NLGN4Y: variants seen among roughly 807,000 people sequenced by gnomAD.
NLGN4Y encodes the protein neuroligin-4, Y-linked.
NLGN4Y carries 4 observed loss-of-function variants against 8.4 expected under a neutral mutation model. The ratio of observed to expected loss-of-function variants is 0.48; its 90% CI spans 0.23 to 1.09. The LOEUF is 1.09. Ranked by LOEUF, NLGN4Y falls within the 50% of genes least tolerant of loss-of-function variation. NLGN4Y has a pLI of 0.19. For missense variants in NLGN4Y, 90 were observed against 192.3 expected (o/e 0.47, Z 3.15); for synonymous variants, 35 against 75.6 (o/e 0.46, Z 2.78).
intron 4 of NLGN4Y, among the ~76,000 whole-genome samples, chrY:14,745,718 T>C: frequency 6.0e-5 from 2 of 33,324 alleles, no homozygotes; most frequent in African/African-American, 2.3e-4. Context: ...CCTTCTACTC[T>C]AAGTGACTTG....
intron 1 of NLGN4Y, among the ~76,000 whole-genome samples, chrY:14,565,204 G>A: frequency 6.3e-5 from 2 of 31,520 alleles, no homozygotes; most frequent in Non-Finnish European, 1.5e-4. Context: ...TTCAGAAGGC[G>A]GGTAATAACA....
intron 5 of NLGN4Y, among the ~76,000 whole-genome samples, chrY:14,829,156 A>G (rs774186779): frequency 1.5e-4 from 5 of 34,229 alleles, no homozygotes; most frequent in African/African-American, 2.3e-4. Flanking sequence ...AAGCTAATGC[A>G]TTTACATTAA....
chrY:14,590,025 G>A (rs73621793), intron 1 of NLGN4Y, among the ~76,000 whole-genome samples: 5,456 of 34,392 alleles, frequency 0.16, no homozygotes, highest in African/African-American at 0.6. Context: ...CCACTGGCCC[G>A]AGTGCTAAGT....
At chrY:14,779,658 T>C (rs2081140279) in intron 4 of NLGN4Y, among the ~76,000 whole-genome samples, 2 of 33,327 alleles carry the variant, frequency 6.0e-5, no homozygotes, top group Non-Finnish European at 1.5e-4. Context: ...TATCCTATAT[T>C]GGTGAACAAA....
intron 4 of NLGN4Y, among the ~76,000 whole-genome samples, chrY:14,756,604 C>CACATT (rs2081058455): frequency 4.9e-4 from 13 of 26,500 alleles, no homozygotes; most frequent in African/African-American, 2.0e-3. Flanking sequence ...AAAAATTAGC[C>CACATT]AGGTGTGATG....
intron 4 of NLGN4Y, among the ~76,000 whole-genome samples, chrY:14,756,820 C>T (rs2081059785): frequency 6.2e-5 from 1 of 16,188 alleles, no homozygotes; most frequent in Admixed American, 7.4e-4. Flanking sequence ...TATATATATA[C>T]TATATACACA....
intron 2 of NLGN4Y, among the ~76,000 whole-genome samples, chrY:14,706,095 T>C: frequency 3.0e-5 from 1 of 33,498 alleles, no homozygotes; most frequent in Non-Finnish European, 7.4e-5. Context: ...CAGTATAGCA[T>C]TGAGCTGAGG....
At chrY:14,684,535 G>T in intron 2 of NLGN4Y, among the ~76,000 whole-genome samples, 3 of 32,324 alleles carry the variant, frequency 9.3e-5, no homozygotes, top group Admixed American at 2.9e-4. Flanking sequence ...AGAATGGGGG[G>T]AAGTATGTGC....
intron 1 of NLGN4Y, among the ~76,000 whole-genome samples, chrY:14,563,425 C>G (rs2080241565): frequency 3.0e-5 from 1 of 33,246 alleles, no homozygotes; most frequent in Non-Finnish European, 7.4e-5. Flanking sequence ...TTTTGATGTG[C>G]TGCTGGATTC....
At chrY:14,588,171 A>G in intron 1 of NLGN4Y, among the ~76,000 whole-genome samples, 1 of 33,842 alleles carries the variant, frequency 3.0e-5, no homozygotes, top group Admixed American at 2.7e-4. Context: ...AAATTTGTAT[A>G]TATTTATATG....
intron 1 of NLGN4Y, chrY:14,524,994 C>T: frequency 3.6e-5 from 4 of 110,785 alleles, no homozygotes; most frequent in African/African-American, 2.9e-4. Context: ...TTTGCGCCCC[C>T]GGTATCTAGG....
chrY:14,537,334 G>A, intron 1 of NLGN4Y, among the ~76,000 whole-genome samples: 1 of 33,720 alleles, frequency 3.0e-5, no homozygotes, highest in South Asian at 6.7e-4. Flanking sequence ...CTTATAGCAA[G>A]TTATGTTCAA....
intron 1 of NLGN4Y, among the ~76,000 whole-genome samples, chrY:14,547,833 T>C: frequency 3.0e-5 from 1 of 32,939 alleles, no homozygotes; most frequent in African/African-American, 1.2e-4. Flanking sequence ...GGGTTAGAGA[T>C]TGAGGAAATG....
chrY:14,706,989 A>G, intron 2 of NLGN4Y, among the ~76,000 whole-genome samples: 1 of 20,732 alleles, frequency 4.8e-5, no homozygotes, highest in African/African-American at 1.9e-4. Flanking sequence ...ACATATATAC[A>G]TATACACATA....
At chrY:14,815,922 G>C (rs922017528) in intron 4 of NLGN4Y, among the ~76,000 whole-genome samples, 4 of 33,607 alleles carry the variant, frequency 1.2e-4, no homozygotes, top group African/African-American at 2.3e-4. Flanking sequence ...CTAAATACCA[G>C]TCCTGCCCAG....
chrY:14,563,669 C>T, intron 1 of NLGN4Y, among the ~76,000 whole-genome samples: 1 of 33,156 alleles, frequency 3.0e-5, no homozygotes, highest in African/African-American at 1.2e-4. Flanking sequence ...TATGCCTGGT[C>T]CTTTTTTATT....
At chrY:14,669,849 C>G in intron 2 of NLGN4Y, among the ~76,000 whole-genome samples, 1 of 34,008 alleles carries the variant, frequency 2.9e-5, no homozygotes, top group Admixed American at 2.7e-4. Context: ...TGGAAAACTG[C>G]TCAGATACTA....
At chrY:14,710,247 C>CTTTCA (rs2080895375) in intron 2 of NLGN4Y, among the ~76,000 whole-genome samples, 1 of 33,649 alleles carries the variant, frequency 3.0e-5, no homozygotes, top group Non-Finnish European at 7.3e-5. Flanking sequence ...GGCATAGTGG[C>CTTTCA]TTTCACCTGT....
chrY:14,703,592 C>T (rs2080863823), intron 2 of NLGN4Y, among the ~76,000 whole-genome samples: 2 of 33,332 alleles, frequency 6.0e-5, no homozygotes, highest in South Asian at 6.7e-4. Context: ...AGTCAGGTAG[C>T]GTGATGCCTC....
Sources: gnomAD v4.1 joint callset for allele counts (sites outside exome capture counted in the v4.1 genomes callset) on GRCh38, gnomAD v4.1.1 for gene constraint, MANE v1.5 for transcripts, NCBI Gene and HGNC (gene_info 2026-07-23, HGNC 2026-07-21) for gene names.